The following ANXA10 variants were observed in gnomAD, a reference collection of about 807,000 sequenced individuals.
ANXA10 encodes the protein annexin A10.
In ANXA10, 49 loss-of-function variants were observed where a neutral mutation model predicts 53.5. That is an observed-to-expected ratio of 0.92 (90% CI 0.73 to 1.16). The LOEUF is 1.16. Ranked by LOEUF, ANXA10 falls within the 50% of genes most tolerant of loss-of-function variation. The pLI is 0.00. For missense variants in ANXA10, 393 were observed against 394.4 expected (o/e 1.00, Z 0.03); for synonymous variants, 131 against 128.9 (o/e 1.02, Z -0.11).
chr4:168,103,274 C>G (rs1011455611), intron 1 of ANXA10, among the ~76,000 whole-genome samples: 1 of 151,720 alleles, frequency 6.6e-6, no homozygotes, highest in African/African-American at 2.4e-5. Flanking sequence ...TTATATTTTT[C>G]TTCTAGAAGT....
In ANXA10 at chr4:168,155,511, A is replaced by T. The variant is rs1255412135; in HGVS notation, c.196-7017A>T. 2.2e-3 allele frequency among the ~76,000 whole-genome samples: 32 copies of T among 14,470 alleles called. 1 individual carries two copies. Among genetic ancestry groups the T allele is most frequent in the African/African-American group, 0.014 (28 of 1,972 alleles). 9.5% of individuals were successfully genotyped at this position (14,470 alleles called of 152,430 possible). A position where few individuals can be genotyped will look rare whatever the true frequency, so the allele number is the denominator to read the frequency against. On this transcript the variant is annotated intron_variant, in intron 3 of 11. Transcript: ENST00000359299. ...ATATAATATATAATTATATATTATA[A>T]AATATATAATTATATAATATATAAT...
chr4:168,177,364 T>G (rs1732149913), intron 6 of ANXA10, among the ~76,000 whole-genome samples: 1 of 152,170 alleles, frequency 6.6e-6, no homozygotes, highest in Non-Finnish European at 1.5e-5. Context: ...GAGATGGACT[T>G]TCTCTGCATT....
chr4:168,179,892 A>C (rs760506793), intron 9 of ANXA10, among the ~76,000 whole-genome samples: 18 of 152,222 alleles, frequency 1.2e-4, no homozygotes, highest in Non-Finnish European at 1.8e-4. Context: ...GAAAAACTGC[A>C]ATAGAACTAC....
chr4:168,112,315 G>A (rs1334565280), intron 1 of ANXA10, among the ~76,000 whole-genome samples: 3 of 151,918 alleles, frequency 2.0e-5, no homozygotes, highest in African/African-American at 7.3e-5. Context: ...GGGCTGGGGG[G>A]AAGGCAACAA....
intron 11 of ANXA10, among the ~76,000 whole-genome samples, chr4:168,185,184 C>G (rs987283524): frequency 6.6e-6 from 1 of 152,140 alleles, no homozygotes; most frequent in East Asian, 1.9e-4. Flanking sequence ...AAAAGAGAAC[C>G]CTTTACCTCA....
At chr4:168,175,061 C>T (rs1339447481) in intron 6 of ANXA10, among the ~76,000 whole-genome samples, 1 of 151,926 alleles carries the variant, frequency 6.6e-6, no homozygotes, top group Non-Finnish European at 1.5e-5. Flanking sequence ...TAAATACAGA[C>T]AAAAAGATGA....
At chr4:168,155,551 TATATAATTATATA>T (rs1560783417) in intron 3 of ANXA10, among the ~76,000 whole-genome samples, 1 of 63,590 alleles carries the variant, frequency 1.6e-5, no homozygotes, top group African/African-American at 6.6e-5. Flanking sequence ...TATTATAAAA[TATATAATTATATA>T]ATATATAATT....
chr4:168,125,955 T>A (rs2319708), intron 1 of ANXA10, among the ~76,000 whole-genome samples: 1 of 151,962 alleles, frequency 6.6e-6, no homozygotes, highest in Non-Finnish European at 1.5e-5. Context: ...GAAATGACAG[T>A]TATTACAATT....
chr4:168,128,527 A>G (rs1731108782), intron 2 of ANXA10, among the ~76,000 whole-genome samples: 1 of 152,060 alleles, frequency 6.6e-6, no homozygotes, highest in Admixed American at 6.6e-5. Context: ...GCTATTTGCT[A>G]TTTCCACTTC....
At chr4:168,145,119 C>T (rs1333021905) in intron 3 of ANXA10, among the ~76,000 whole-genome samples, 1 of 152,160 alleles carries the variant, frequency 6.6e-6, no homozygotes, top group South Asian at 2.1e-4. Flanking sequence ...GTGGGGGCCG[C>T]AAGACCAGAT....
At chr4:168,171,044 A>G (rs1243022889) in intron 6 of ANXA10, among the ~76,000 whole-genome samples, 1 of 152,146 alleles carries the variant, frequency 6.6e-6, no homozygotes, top group African/African-American at 2.4e-5. Flanking sequence ...GGAACCACTG[A>G]CTTAGGATTT....
At chr4:168,155,766 G>C (rs376924968) in intron 3 of ANXA10, among the ~76,000 whole-genome samples, 8 of 28,116 alleles carry the variant, frequency 2.8e-4, no homozygotes, top group African/African-American at 1.2e-3. Flanking sequence ...TATAATATAT[G>C]ATATATCATA....
In ANXA10 at chr4:168,165,324, C is replaced by A; in HGVS notation, c.478C>A (p.Gln160Lys). ...HFRDTLMNLV[Q>K]GTREEGYTDP... ...CAGAGATACTCTCATGAACTTGGTC[C>A]AGGTATGGCATTCCAAAATTTACAT... The change falls in exon 6 of 12, where the codon CAG (glutamine) becomes AAG (lysine). Residue 160 changes from glutamine to lysine, a missense_variant and splice_region_variant. Transcript: ENST00000359299. 1 of 1,547,204 alleles carries A rather than the reference C, an allele frequency of 6.5e-7. No homozygotes were observed. Among genetic ancestry groups the A allele is most frequent in the Non-Finnish European group, 8.8e-7 (1 of 1,142,456 alleles).
intron 4 of ANXA10, among the ~76,000 whole-genome samples, chr4:168,163,708 A>G (rs553262057): frequency 1.8e-4 from 28 of 152,266 alleles, no homozygotes; most frequent in Admixed American, 5.2e-4. Context: ...TGTGTCTGCA[A>G]GAGACCACAG....
chr4:168,099,798 G>GA (rs1730612048), intron 1 of ANXA10, among the ~76,000 whole-genome samples: 1 of 152,018 alleles, frequency 6.6e-6, no homozygotes, highest in Non-Finnish European at 1.5e-5. Flanking sequence ...GAGTGCTACA[G>GA]AGACAGAAAT....
intron 3 of ANXA10, among the ~76,000 whole-genome samples, chr4:168,140,942 CT>C (rs980744050): frequency 2.6e-5 from 4 of 152,204 alleles, no homozygotes; most frequent in Admixed American, 2.6e-4. Context: ...TTTTAAGTAA[CT>C]TTTTTTTAAC....
intron 9 of ANXA10, among the ~76,000 whole-genome samples, chr4:168,181,340 G>A (rs1422687462): frequency 6.9e-6 from 1 of 145,818 alleles, no homozygotes; most frequent in African/African-American, 2.6e-5. Context: ...GCAGTGAGCC[G>A]AGATTACGCC....
At position 168,162,554 on chromosome 4, in the gene ANXA10, G is replaced by A; in HGVS notation, c.222G>A (p.Gln74=). The A allele has an allele frequency of 6.2e-7, 1 of 1,613,880 alleles. No individual in the cohort carries two copies. The highest frequency in any genetic ancestry group is 8.5e-7 in the Non-Finnish European group (1 of 1,179,866). The change falls in exon 4 of 12, where the codon CAG becomes CAA. Residue 74 remains glutamine (Q), a synonymous_variant. Transcript: ENST00000359299. The stretch of plus-strand genomic sequence containing the variant: ...ACCTGATTGGGGATATGAGGGAGCA[G>A]CTTTCGGATCACTTCAAAGATGTGA... ...GRDLIGDMRE[Q]LSDHFKDVMA... is the part of the protein sequence containing the mutation.
At chr4:168,170,031 C>T (rs1251351091) in intron 6 of ANXA10, among the ~76,000 whole-genome samples, 1 of 152,060 alleles carries the variant, frequency 6.6e-6, no homozygotes, top group African/African-American at 2.4e-5. Context: ...ATAGGGCAAT[C>T]AATTTTATTC....
Sources: gnomAD v4.1 joint callset for allele counts (sites outside exome capture counted in the v4.1 genomes callset) on GRCh38, gnomAD v4.1.1 for gene constraint, MANE v1.5 for transcripts, NCBI Gene and HGNC (gene_info 2026-07-23, HGNC 2026-07-21) for gene names.